SHPRH: variants seen among roughly 807,000 people sequenced by gnomAD.
SHPRH encodes the protein E3 ubiquitin-protein ligase SHPRH.
Under a neutral mutation model 202.5 loss-of-function variants are expected in SHPRH, and 106 were observed. The observed-to-expected ratio is 0.52, with a 90% CI of 0.45 to 0.62. The LOEUF (loss-of-function observed/expected upper bound fraction) is 0.62. SHPRH is among the 20% of genes least tolerant of loss of function. The probability of loss-of-function intolerance (pLI) is 0.00; values close to 1 mark genes in which losing one functional copy is unlikely to be tolerated. For missense variants in SHPRH, 1,710 were observed against 2,020.0 expected (o/e 0.85, Z 2.94); for synonymous variants, 729 against 686.0 (o/e 1.06, Z -0.98).
downstream of SHPRH, among the ~76,000 whole-genome samples, chr6:145,861,203 G>A (rs1374949708): frequency 4.6e-5 from 7 of 152,018 alleles, no homozygotes. Flanking sequence ...CCTAGGGAAT[G>A]GGGGAAAATG....
chr6:145,927,972 C>T (rs901112283), intron 14 of SHPRH, among the ~76,000 whole-genome samples: 2 of 151,876 alleles, frequency 1.3e-5, no homozygotes, highest in African/African-American at 4.8e-5. Flanking sequence ...GCCCATGGGT[C>T]ATTTCTACCC....
chr6:145,858,153 T>C, the SHPRH span, among the ~76,000 whole-genome samples: 2 of 152,098 alleles, frequency 1.3e-5, no homozygotes, highest in Non-Finnish European at 2.9e-5. Context: ...GAAAACAGTT[T>C]AGCAATTTCT....
intron 1 of SHPRH, among the ~76,000 whole-genome samples, chr6:145,956,173 T>C (rs1246795885): frequency 2.6e-5 from 4 of 152,078 alleles, no homozygotes; most frequent in Non-Finnish European, 5.9e-5. Flanking sequence ...AGAAACCTAC[T>C]AGACAATGTT....
intron 2 of SHPRH, 105 bp downstream of exon 2, chr6:145,954,585 T>G: frequency 8.3e-7 from 1 of 1,206,250 alleles, no homozygotes; most frequent in Non-Finnish European, 1.2e-6. Context: ...AACTTAACAA[T>G]GAAAGGCTTA....
chr6:145,943,050 A>C, intron 9 of SHPRH, 93 bp downstream of exon 9: 1 of 1,392,374 alleles, frequency 7.2e-7, no homozygotes, highest in Non-Finnish European at 9.7e-7. Context: ...GTTAGTTTTG[A>C]GGATAAACCA....
chr6:145,912,282 T>A (rs892151060), intron 24 of SHPRH, among the ~76,000 whole-genome samples: 10 of 152,090 alleles, frequency 6.6e-5, no homozygotes, highest in Non-Finnish European at 1.5e-4. Context: ...AAAATACGGC[T>A]ACTATATATT....
chr6:145,947,117 A>G (rs1389374076), intron 6 of SHPRH, among the ~76,000 whole-genome samples: 2 of 152,106 alleles, frequency 1.3e-5, no homozygotes, highest in Non-Finnish European at 2.9e-5. Context: ...TAAGATTTAT[A>G]TATATGAGAT....
chr6:145,920,096 G>GTA (rs1354770537), intron 21 of SHPRH, among the ~76,000 whole-genome samples: 12 of 152,020 alleles, frequency 7.9e-5, no homozygotes, highest in Non-Finnish European at 1.8e-4. Context: ...CACAGAAATG[G>GTA]TATCAATCAG....
intron 3 of SHPRH, chr6:145,951,833 G>A (rs1788008089): frequency 2.2e-6 from 1 of 456,052 alleles, no homozygotes; most frequent in Non-Finnish European, 4.4e-6. Context: ...TTCCAGTAGT[G>A]TTGATGAGCT....
chr6:145,893,238 C>A lies in SHPRH; in HGVS notation c.4851G>T (p.Arg1617Ser). 6.5e-7 allele frequency: 1 copy of A among 1,536,090 alleles called. No homozygotes were observed. Among genetic ancestry groups the A allele is most frequent in the South Asian group, 1.3e-5 (1 of 78,122 alleles). Residue 1617 changes from arginine (R) to serine (S), a missense_variant, in exon 28 of 30, where the codon AGG (arginine) becomes AGT (serine). By Grantham distance (110) the Arg-to-Ser change is moderately radical. Transcript: ENST00000275233. ...ACTTTGTCTGTCCAATTCGGTGCAC[C>A]CTCCCTATGGCCTGAAGCTCATGGG... ...NPAHELQAIG[R>S]VHRIGQTKPT...
intron 25 of SHPRH, among the ~76,000 whole-genome samples, chr6:145,900,110 TAA>T (rs1288618020): frequency 6.6e-6 from 1 of 152,124 alleles, no homozygotes; most frequent in Non-Finnish European, 1.5e-5. Flanking sequence ...CTCAATATAT[TAA>T]AAATAGAACT....
intron 29 of SHPRH, among the ~76,000 whole-genome samples, chr6:145,887,134 A>G (rs1246539343): frequency 1.3e-5 from 2 of 152,178 alleles, no homozygotes; most frequent in East Asian, 3.8e-4. Context: ...CATAACTGCT[A>G]TTTTATTAAA....
chr6:145,919,001 T>C (rs1784190471), intron 22 of SHPRH: 1 of 168,848 alleles, frequency 5.9e-6, no homozygotes, highest in African/African-American at 2.4e-5. Flanking sequence ...AAGATTTTTC[T>C]AGTTCTGATA....
intron 28 of SHPRH, among the ~76,000 whole-genome samples, chr6:145,889,240 A>G (rs1307369305): frequency 1.3e-5 from 2 of 152,032 alleles, no homozygotes; most frequent in African/African-American, 4.8e-5. Context: ...TAGACAAAGA[A>G]CCCTCAGACC....
At chr6:145,943,094 A>T (rs756686454) in intron 9 of SHPRH, 49 bp downstream of exon 9, 2 of 1,512,422 alleles carry the variant, frequency 1.3e-6, no homozygotes, top group Non-Finnish European at 1.8e-6. Context: ...TATCATGAAG[A>T]AGCAAAACTT....
intron 25 of SHPRH, among the ~76,000 whole-genome samples, chr6:145,899,581 A>G (rs1389322477): frequency 6.6e-6 from 1 of 152,188 alleles, no homozygotes; most frequent in East Asian, 1.9e-4. Context: ...CCAAAACTAC[A>G]AACTACTTGA....
At chr6:145,922,943 C>CT in intron 18 of SHPRH, 107 bp from the exon 19 acceptor site, 48 of 1,137,030 alleles carry the variant, frequency 4.2e-5, no homozygotes, top group Admixed American at 2.3e-4. Context: ...AAACTGTTTG[C>CT]TGTTTTTTTT....
intron 11 of SHPRH, among the ~76,000 whole-genome samples, chr6:145,938,065 C>G (rs1330544615): frequency 6.6e-6 from 1 of 152,194 alleles, no homozygotes; most frequent in African/African-American, 2.4e-5. Flanking sequence ...TTTTGCTCAT[C>G]ATCTGCTATG....
intron 21 of SHPRH, 40 bp from the exon 22 acceptor site, chr6:145,919,531 T>G: frequency 6.3e-7 from 1 of 1,598,680 alleles, no homozygotes; most frequent in Non-Finnish European, 8.5e-7. Context: ...GTAAAGCATG[T>G]AATTAAAACT....
Sources: gnomAD v4.1 joint callset for allele counts (sites outside exome capture counted in the v4.1 genomes callset) on GRCh38, gnomAD v4.1.1 for gene constraint, MANE v1.5 for transcripts, NCBI Gene and HGNC (gene_info 2026-07-23, HGNC 2026-07-21) for gene names.